SLC35D4: variants seen among roughly 807,000 people sequenced by gnomAD.
SLC35D4 encodes the protein solute carrier family 35 member D4.
chr18:23,334,102 C>T, the SLC35D4 span, among the ~76,000 whole-genome samples: 3 of 152,074 alleles, frequency 2.0e-5, no homozygotes, highest in South Asian at 6.2e-4. Context: ...TTTTCTTCTC[C>T]TGAAGGGGAG....
At chr18:23,328,460 A>T in the SLC35D4 span, among the ~76,000 whole-genome samples, 47 of 152,262 alleles carry the variant, frequency 3.1e-4, no homozygotes, top group African/African-American at 1.0e-3. Context: ...CACAATTGCT[A>T]CAAAGAGAAT....
At chr18:23,358,343 C>T in the SLC35D4 span, among the ~76,000 whole-genome samples, 4 of 152,038 alleles carry the variant, frequency 2.6e-5, no homozygotes, top group South Asian at 4.1e-4. Flanking sequence ...GCAGGGTGAA[C>T]GGGACTCATG....
chr18:23,334,397 A>G, the SLC35D4 span, among the ~76,000 whole-genome samples: 1 of 152,220 alleles, frequency 6.6e-6, no homozygotes, highest in East Asian at 1.9e-4. Flanking sequence ...CCTGTTCCCC[A>G]CACAATCCTC....
At chr18:23,393,131 G>C in the SLC35D4 span, among the ~76,000 whole-genome samples, 1 of 151,926 alleles carries the variant, frequency 6.6e-6, no homozygotes, top group Admixed American at 6.6e-5. Flanking sequence ...TGGCCAGGAT[G>C]GTCTCGATCT....
the SLC35D4 span, among the ~76,000 whole-genome samples, chr18:23,278,236 A>G: frequency 9.3e-3 from 1,420 of 152,328 alleles, 22 homozygotes; most frequent in African/African-American, 0.033. Context: ...GCCCTGGCTG[A>G]GTACAGAAGG....
the SLC35D4 span, among the ~76,000 whole-genome samples, chr18:23,246,557 A>G: frequency 3.3e-5 from 5 of 151,674 alleles, no homozygotes; most frequent in Admixed American, 3.3e-4. Context: ...ACACCCGGCT[A>G]ATTTTTTGTG....
At chr18:23,379,490 G>C in the SLC35D4 span, among the ~76,000 whole-genome samples, 1 of 152,170 alleles carries the variant, frequency 6.6e-6, no homozygotes, top group East Asian at 1.9e-4. Context: ...GAAATTGAGA[G>C]GAGGGACTAA....
chr18:23,373,587 G>T, the SLC35D4 span: 1 of 1,050,988 alleles, frequency 9.5e-7, no homozygotes, highest in Non-Finnish European at 1.4e-6. Flanking sequence ...TGCAAGATTT[G>T]GAATGCTTCT....
the SLC35D4 span, among the ~76,000 whole-genome samples, chr18:23,402,478 T>A: frequency 2.6e-5 from 4 of 152,208 alleles, no homozygotes; most frequent in African/African-American, 9.6e-5. Context: ...TTTATATGTC[T>A]TTAATTAAAA....
At chr18:23,356,749 C>G in the SLC35D4 span, 1 of 1,268,788 alleles carries the variant, frequency 7.9e-7, no homozygotes, top group South Asian at 1.3e-5. The surrounding 1 kb of genome is among the most constrained non-coding windows in gnomAD (Gnocchi z 4.1). Flanking sequence ...GCAAGGAAGG[C>G]GTCTTTAGCA....
the SLC35D4 span, among the ~76,000 whole-genome samples, chr18:23,267,712 C>G: frequency 2.0e-5 from 3 of 152,292 alleles, no homozygotes; most frequent in East Asian, 5.8e-4. Flanking sequence ...CCTGCCCCAT[C>G]CTCTTTCCTT....
the SLC35D4 span, among the ~76,000 whole-genome samples, chr18:23,323,295 G>A: frequency 2.6e-5 from 4 of 152,352 alleles, no homozygotes; most frequent in East Asian, 7.7e-4. Context: ...TAGCAGTAAT[G>A]GAGGTGAAAG....
the SLC35D4 span, among the ~76,000 whole-genome samples, chr18:23,413,770 AAAAAAT>A: frequency 2.0e-5 from 3 of 151,034 alleles, no homozygotes; most frequent in East Asian, 1.9e-4. Context: ...ACTAAAAATA[AAAAAAT>A]AAAAATAAAA....
At chr18:23,421,609 C>T in the SLC35D4 span, among the ~76,000 whole-genome samples, 3 of 151,914 alleles carry the variant, frequency 2.0e-5, no homozygotes, top group African/African-American at 7.3e-5. Context: ...ACCTTTCCTT[C>T]TCAATCTCTA....
At chr18:23,400,563 G>A in the SLC35D4 span, among the ~76,000 whole-genome samples, 1 of 152,106 alleles carries the variant, frequency 6.6e-6, no homozygotes, top group Non-Finnish European at 1.5e-5. Flanking sequence ...GGAGGCAGAG[G>A]TTGCAGTGAG....
At chr18:23,430,672 C>T in the SLC35D4 span, 1 of 1,612,406 alleles carries the variant, frequency 6.2e-7, no homozygotes, top group South Asian at 1.1e-5. Flanking sequence ...AGACAGACAG[C>T]ACATACTGAA....
the SLC35D4 span, among the ~76,000 whole-genome samples, chr18:23,435,788 C>T: frequency 6.6e-6 from 1 of 152,230 alleles, no homozygotes; most frequent in African/African-American, 2.4e-5. Context: ...CTCCGCCTCC[C>T]TGGCTCAGGA....
At chr18:23,349,295 C>T in the SLC35D4 span, among the ~76,000 whole-genome samples, 1 of 152,152 alleles carries the variant, frequency 6.6e-6, no homozygotes, top group Non-Finnish European at 1.5e-5. Context: ...TTTGATGTCT[C>T]ACAGGTCTCT....
At chr18:23,255,013 T>G in the SLC35D4 span, among the ~76,000 whole-genome samples, 6 of 152,174 alleles carry the variant, frequency 3.9e-5, no homozygotes, top group African/African-American at 1.4e-4. Context: ...GCAGGGTTTG[T>G]GGGTTTAGGA....
Sources: gnomAD v4.1 joint callset for allele counts (sites outside exome capture counted in the v4.1 genomes callset) on GRCh38, gnomAD v4.1.1 for gene constraint, Gnocchi (gnomAD v3.1) non-coding constraint, MANE v1.5 for transcripts, NCBI Gene and HGNC (gene_info 2026-07-23, HGNC 2026-07-21) for gene names.